The following JARID2 variants were observed in gnomAD, a reference collection of about 807,000 sequenced individuals.
JARID2 encodes protein Jumonji.
In JARID2, 21 loss-of-function variants were observed where a neutral mutation model predicts 125.6. That is an observed-to-expected ratio of 0.17 (90% CI 0.12 to 0.24). JARID2 has a LOEUF of 0.24. Among genes scored for constraint, JARID2 ranks in the 10% least tolerant of loss-of-function variants. The pLI is 1.00. For missense variants in JARID2, 1,303 were observed against 1,639.6 expected (o/e 0.79, Z 3.55); for synonymous variants, 736 against 661.6 (o/e 1.11, Z -1.73).
At chr6:15,271,786 G>C (rs536973323) in intron 1 of JARID2, among the ~76,000 whole-genome samples, 1 of 152,268 alleles carries the variant, frequency 6.6e-6, no homozygotes, top group East Asian at 1.9e-4. Flanking sequence ...GATCACTTGA[G>C]GCCAGGAGTT....
At chr6:15,335,746 T>C (rs1219576530) in intron 1 of JARID2, among the ~76,000 whole-genome samples, 2 of 152,178 alleles carry the variant, frequency 1.3e-5, no homozygotes, top group African/African-American at 4.8e-5. Context: ...TCCTATGTGC[T>C]GCTCAGTGTT....
intron 4 of JARID2, among the ~76,000 whole-genome samples, chr6:15,452,626 C>T (rs543811599): frequency 3.3e-5 from 5 of 152,240 alleles, no homozygotes; most frequent in African/African-American, 1.2e-4. Context: ...GTTCTCTCAG[C>T]CCTATATTAC....
intron 5 of JARID2, among the ~76,000 whole-genome samples, chr6:15,470,624 T>G (rs9370816): frequency 0.66 from 100,835 of 151,662 alleles, 33,694 homozygotes; most frequent in East Asian, 0.8. Context: ...TCTTTTTAGG[T>G]TCTTGTGGTT....
At chr6:15,385,510 T>C (rs1346760101) in intron 2 of JARID2, among the ~76,000 whole-genome samples, 1 of 150,660 alleles carries the variant, frequency 6.6e-6, no homozygotes, top group Non-Finnish European at 1.5e-5. Flanking sequence ...TTTTAAGATA[T>C]AGTTTTTTAT....
At chr6:15,478,433 T>C (rs1230562700) in intron 5 of JARID2, among the ~76,000 whole-genome samples, 4 of 152,112 alleles carry the variant, frequency 2.6e-5, no homozygotes, top group African/African-American at 4.8e-5. Context: ...TATTTAGTTT[T>C]TTCGTGCTAA....
chr6:15,280,145 C>A (rs993943155), intron 1 of JARID2, among the ~76,000 whole-genome samples: 3 of 151,952 alleles, frequency 2.0e-5, no homozygotes, highest in African/African-American at 7.3e-5. Flanking sequence ...CTTGGTTATC[C>A]ATTAAAAAAG....
At chr6:15,361,812 T>A (rs1351669333) in intron 1 of JARID2, among the ~76,000 whole-genome samples, 1 of 152,138 alleles carries the variant, frequency 6.6e-6, no homozygotes, top group Admixed American at 6.5e-5. Flanking sequence ...TCAGTTTTGT[T>A]TAGGTAGCTG....
chr6:15,412,367 G>A (rs1765916162), intron 3 of JARID2, among the ~76,000 whole-genome samples: 1 of 152,128 alleles, frequency 6.6e-6, no homozygotes, highest in Non-Finnish European at 1.5e-5. Context: ...GGAGTGTGGT[G>A]GTGCAATCTC....
At chr6:15,370,340 T>G (rs980938005) in intron 1 of JARID2, among the ~76,000 whole-genome samples, 3 of 150,644 alleles carry the variant, frequency 2.0e-5, no homozygotes, top group African/African-American at 7.3e-5. Context: ...GTTTTTTTTT[T>G]TTTTTTTTTT....
chr6:15,403,481 G>A (rs1177731709), intron 2 of JARID2, among the ~76,000 whole-genome samples: 1 of 152,116 alleles, frequency 6.6e-6, no homozygotes, highest in Non-Finnish European at 1.5e-5. Flanking sequence ...GGAAATAGGA[G>A]ATATCTGCTG....
At chr6:15,508,870 G>T in intron 12 of JARID2, 2 of 891,408 alleles carry the variant, frequency 2.2e-6, no homozygotes, top group Non-Finnish European at 3.1e-6. Flanking sequence ...AGTAGTAAAA[G>T]TGCCACACAA....
chr6:15,450,348 T>G (rs1767863957), intron 3 of JARID2, among the ~76,000 whole-genome samples: 1 of 152,150 alleles, frequency 6.6e-6, no homozygotes, highest in Non-Finnish European at 1.5e-5. Context: ...TTTTGTATTT[T>G]TAGTAGAGAC....
rs577161217 is a variant in JARID2 at position 15,514,396 on chromosome 6, G to A, written c.3450+974G>A. Among the ~76,000 whole-genome samples the A allele has an allele frequency of 2.0e-5, 3 of 152,350 alleles. No homozygotes were observed. The South Asian group carries it at 6.2e-4, about 32-fold the overall frequency. On this transcript the variant is annotated intron_variant, in intron 16 of 17. Transcript: ENST00000341776. ...CCAGTACAGAAGCCTAGCTTAGGAG[G>A]TGCCCACCCCATATGCTGTGTGGTG... is the stretch of plus-strand genomic sequence containing the variant.
chr6:15,308,101 A>G (rs1378001072), intron 1 of JARID2, among the ~76,000 whole-genome samples: 2 of 152,132 alleles, frequency 1.3e-5, no homozygotes, highest in East Asian at 3.8e-4. Context: ...TGCAGGGAAT[A>G]CCCTCACCCC....
intron 1 of JARID2, among the ~76,000 whole-genome samples, chr6:15,313,390 C>T (rs1272197054): frequency 6.6e-6 from 1 of 152,172 alleles, no homozygotes; most frequent in Non-Finnish European, 1.5e-5. Context: ...GGTTCATAGT[C>T]ACTACATATC....
At chr6:15,282,606 C>G (rs1395822246) in intron 1 of JARID2, among the ~76,000 whole-genome samples, 1 of 126,026 alleles carries the variant, frequency 7.9e-6, no homozygotes, top group Non-Finnish European at 1.9e-5. Flanking sequence ...CTTTCTTCCT[C>G]TTCTCTTCTC....
chr6:15,336,480 T>C (rs1762883414), intron 1 of JARID2, among the ~76,000 whole-genome samples: 1 of 152,206 alleles, frequency 6.6e-6, no homozygotes, highest in East Asian at 1.9e-4. Flanking sequence ...TTTAAGACAA[T>C]ATTTGTAAAT....
intron 1 of JARID2, among the ~76,000 whole-genome samples, chr6:15,265,256 C>T (rs1192511602): frequency 2.0e-5 from 3 of 152,036 alleles, no homozygotes; most frequent in Admixed American, 1.3e-4. Context: ...TGTCTTTTAA[C>T]AGCTACTGCT....
intron 2 of JARID2, among the ~76,000 whole-genome samples, chr6:15,383,857 C>G (rs554650729): frequency 6.6e-6 from 1 of 152,268 alleles, no homozygotes; most frequent in Middle Eastern, 3.4e-3. Context: ...TGCAATGGCA[C>G]GACCTTGGCT....
Sources: allele counts gnomAD v4.1 joint callset (sites outside exome capture counted in the v4.1 genomes callset), GRCh38; gene constraint gnomAD v4.1.1; transcripts MANE v1.5; gene names NCBI Gene and HGNC (gene_info 2026-07-23, HGNC 2026-07-21).